The following CAST variants were observed in gnomAD, a reference collection of about 807,000 sequenced individuals.
CAST encodes MIR583 host.
CAST carries 76 observed loss-of-function variants against 119.6 expected under a neutral mutation model. That is an observed-to-expected ratio of 0.64 (90% CI 0.53 to 0.77). The LOEUF (loss-of-function observed/expected upper bound fraction) is 0.77, where lower values mean the gene tolerates loss of function less well. Among genes scored for constraint, CAST ranks in the 30% least tolerant of loss-of-function variants. The pLI is 0.00. For synonymous variants in CAST, 319 were observed against 331.6 expected (o/e 0.96, Z 0.41); for missense variants, 953 against 946.5 (o/e 1.01, Z -0.09).
At chr5:96,326,548 C>T in the CAST span, among the ~76,000 whole-genome samples, 11 of 152,190 alleles carry the variant, frequency 7.2e-5, no homozygotes, top group African/African-American at 2.6e-4. Flanking sequence ...GAACCCCAAA[C>T]TGTTGATCAT....
At chr5:96,545,566 G>T (rs1032691299) in intron 1 of CAST, among the ~76,000 whole-genome samples, 3 of 152,190 alleles carry the variant, frequency 2.0e-5, no homozygotes, top group African/African-American at 7.2e-5. Flanking sequence ...CAAGTGATTT[G>T]CCAGTTTCTC....
chr5:96,045,419 G>T, the CAST span, among the ~76,000 whole-genome samples: 2 of 151,322 alleles, frequency 1.3e-5, no homozygotes, highest in Admixed American at 1.3e-4. Flanking sequence ...ACTTAGTGCA[G>T]TTTTCTGTAT....
At chr5:95,991,886 A>G in the CAST span, among the ~76,000 whole-genome samples, 1 of 152,184 alleles carries the variant, frequency 6.6e-6, no homozygotes, top group Admixed American at 6.5e-5. Context: ...AAATACTCAA[A>G]TACCTGACTT....
chr5:96,591,711 T>C (rs1017780804), intron 1 of CAST, among the ~76,000 whole-genome samples: 1 of 152,198 alleles, frequency 6.6e-6, no homozygotes, highest in Non-Finnish European at 1.5e-5. Flanking sequence ...ATAATAAATT[T>C]AGAGGGTCCT....
chr5:96,063,156 T>A, the CAST span, among the ~76,000 whole-genome samples: 1 of 152,158 alleles, frequency 6.6e-6, no homozygotes, highest in African/African-American at 2.4e-5. Context: ...TGGTGTGCTG[T>A]CCACATCCTC....
chr5:96,701,963 C>T (rs1423559934), intron 3 of CAST, among the ~76,000 whole-genome samples: 4 of 152,026 alleles, frequency 2.6e-5, no homozygotes, highest in Non-Finnish European at 4.4e-5. Flanking sequence ...CATCAGAGGG[C>T]CCTAACTGCC....
At chr5:96,625,899 G>A (rs1002049677) in intron 1 of CAST, among the ~76,000 whole-genome samples, 3 of 152,018 alleles carry the variant, frequency 2.0e-5, no homozygotes, top group Non-Finnish European at 2.9e-5. Context: ...CTTCCAATGC[G>A]AACTCACTCC....
intron 3 of CAST, among the ~76,000 whole-genome samples, chr5:96,709,265 G>A (rs1036178117): frequency 1.3e-5 from 2 of 152,252 alleles, no homozygotes; most frequent in South Asian, 4.1e-4. Context: ...TCAGTTCTGA[G>A]TAGCTTCTGG....
chr5:96,370,705 C>G, the CAST span, among the ~76,000 whole-genome samples: 1 of 151,170 alleles, frequency 6.6e-6, no homozygotes, highest in African/African-American at 2.4e-5. Flanking sequence ...CCTAGCCTGC[C>G]TGCTTGGACT....
At chr5:96,497,647 CATAA>C in the CAST span, among the ~76,000 whole-genome samples, 8,065 of 152,188 alleles carry the variant, frequency 0.053, 722 homozygotes, top group African/African-American at 0.18. Context: ...CTTTTGGCTG[CATAA>C]ATGTCTTCTT....
the CAST span, among the ~76,000 whole-genome samples, chr5:96,144,646 C>T: frequency 2.7e-5 from 4 of 150,058 alleles, no homozygotes; most frequent in Admixed American, 6.6e-5. Context: ...TTCATTTGTT[C>T]GTTCATAAAC....
chr5:96,389,150 T>C, the CAST span, among the ~76,000 whole-genome samples: 1 of 152,156 alleles, frequency 6.6e-6, no homozygotes, highest in Non-Finnish European at 1.5e-5. Flanking sequence ...GTTGTAGTTA[T>C]GTAGGATAAA....
chr5:96,468,568 T>C, the CAST span, among the ~76,000 whole-genome samples: 3 of 152,134 alleles, frequency 2.0e-5, no homozygotes, highest in Admixed American at 2.0e-4. Flanking sequence ...GGTAGAGCCA[T>C]AAATCACCAT....
the CAST span, among the ~76,000 whole-genome samples, chr5:96,489,155 A>G: frequency 3.3e-5 from 5 of 152,254 alleles, no homozygotes; most frequent in East Asian, 7.7e-4. Flanking sequence ...AGACTAAGGA[A>G]AAGAGAGGAT....
chr5:96,363,746 G>C, the CAST span, among the ~76,000 whole-genome samples: 3 of 152,138 alleles, frequency 2.0e-5, no homozygotes, highest in African/African-American at 7.2e-5. Flanking sequence ...CTAAGACGGT[G>C]GGGTTTTCTA....
upstream of CAST, among the ~76,000 whole-genome samples, chr5:96,528,182 G>C (rs888932269): frequency 2.6e-5 from 4 of 152,102 alleles, no homozygotes; most frequent in Non-Finnish European, 1.5e-5. Flanking sequence ...CTAGGAATTG[G>C]CAGAGCTAGT....
chr5:96,177,586 T>C, the CAST span, among the ~76,000 whole-genome samples: 1 of 152,198 alleles, frequency 6.6e-6, no homozygotes, highest in Admixed American at 6.6e-5. Context: ...GCAAGGTCTC[T>C]CAGCAGTTTG....
the CAST span, among the ~76,000 whole-genome samples, chr5:96,172,392 T>C: frequency 6.6e-6 from 1 of 152,266 alleles, no homozygotes; most frequent in African/African-American, 2.4e-5. Flanking sequence ...GGGGATATGA[T>C]GGCTTAGCTT....
At chr5:96,388,510 G>T in the CAST span, among the ~76,000 whole-genome samples, 1 of 152,144 alleles carries the variant, frequency 6.6e-6, no homozygotes, top group African/African-American at 2.4e-5. Context: ...GCCTCTGCTT[G>T]CATCACATTC....
Sources: gnomAD v4.1 joint callset for allele counts (sites outside exome capture counted in the v4.1 genomes callset) on GRCh38, gnomAD v4.1.1 for gene constraint, MANE v1.5 for transcripts, NCBI Gene and HGNC (gene_info 2026-07-23, HGNC 2026-07-21) for gene names.